The following CMSS1 variants were observed in gnomAD, a reference collection of about 807,000 sequenced individuals.
CMSS1 encodes cms1 ribosomal small subunit homolog.
A neutral mutation model predicts 43.5 loss-of-function variants in CMSS1; 33 were observed. The ratio of observed to expected loss-of-function variants is 0.76; its 90% CI spans 0.57 to 1.01. The LOEUF (loss-of-function observed/expected upper bound fraction) is 1.01. CMSS1 is among the 50% of genes least tolerant of loss of function. CMSS1 has a pLI of 0.00. For synonymous variants in CMSS1, 115 were observed against 117.2 expected, an observed-to-expected ratio of 0.98 and a Z score of 0.12; for missense variants, 313 against 326.4, an observed-to-expected ratio of 0.96 and a Z score of 0.32.
At chr3:99,818,209 C>G (rs955958008) in intron 1 of CMSS1, among the ~76,000 whole-genome samples, 166 bp downstream of exon 1, 1 of 152,256 alleles carries the variant, frequency 6.6e-6, no homozygotes, top group Non-Finnish European at 1.5e-5. Context: ...TTCTTTAACA[C>G]GTGAAACAGA....
chr3:99,920,748 G>A (rs1707100012), intron 1 of CMSS1, among the ~76,000 whole-genome samples: 1 of 152,170 alleles, frequency 6.6e-6, no homozygotes, highest in South Asian at 2.1e-4. Context: ...AGCTCAATGT[G>A]TGACATCAGT....
intron 1 of CMSS1, chr3:100,040,410 A>G (rs1475583072): frequency 6.6e-6 from 1 of 152,204 alleles, no homozygotes; most frequent in African/African-American, 2.4e-5. Context: ...ATAGCATTCC[A>G]TTTTAATATA....
intron 1 of CMSS1, among the ~76,000 whole-genome samples, chr3:100,015,235 A>G (rs542931841): frequency 6.6e-6 from 1 of 151,878 alleles, no homozygotes; most frequent in Admixed American, 6.6e-5. Flanking sequence ...GCTCTCTGTT[A>G]TGTTCCCTTG....
At chr3:99,930,752 ACTCCAACCCAGCTGACCTGCAGTT>A (rs764957237) in intron 1 of CMSS1, 5 of 1,611,164 alleles carry the variant, frequency 3.1e-6, no homozygotes, top group Non-Finnish European at 4.2e-6. Flanking sequence ...GATGGGGATA[ACTCCAACCCAGCTGACCTGCAGTT>A]CTCCCTCCAG....
At chr3:100,006,144 C>T (rs1443071207) in intron 1 of CMSS1, among the ~76,000 whole-genome samples, 1 of 152,108 alleles carries the variant, frequency 6.6e-6, no homozygotes, top group African/African-American at 2.4e-5. Flanking sequence ...CTGTGGGATG[C>T]AGGTAGGTAT....
chr3:100,056,007 A>T (rs2065458228), intron 1 of CMSS1, among the ~76,000 whole-genome samples: 1 of 152,218 alleles, frequency 6.6e-6, no homozygotes, highest in African/African-American at 2.4e-5. Context: ...AGGATAGCCT[A>T]GTTGATCTGG....
intron 1 of CMSS1, among the ~76,000 whole-genome samples, chr3:100,004,327 G>C (rs966064273): frequency 7.9e-5 from 12 of 152,154 alleles, no homozygotes; most frequent in African/African-American, 2.2e-4. Flanking sequence ...TATAATGGTA[G>C]CTGAACATAT....
At chr3:100,014,881 T>C (rs1710279992) in intron 1 of CMSS1, among the ~76,000 whole-genome samples, 3 of 135,192 alleles carry the variant, frequency 2.2e-5, no homozygotes, top group Non-Finnish European at 4.8e-5. Flanking sequence ...TTTCTTTTTT[T>C]TTTTTCTTTC....
At chr3:100,014,891 C>CTTTCTTTTTTTTTTTTTTTTTTTTTT (rs1710285568) in intron 1 of CMSS1, among the ~76,000 whole-genome samples, 3 of 27,228 alleles carry the variant, frequency 1.1e-4, no homozygotes, top group African/African-American at 3.0e-4. Context: ...TTTTTTCTTT[C>CTTTCTTTTTTTTTTTTTTTTTTTTTT]TTTCTTTTTT....
At chr3:99,837,728 G>T (rs1350466528) in intron 1 of CMSS1, among the ~76,000 whole-genome samples, 1 of 152,186 alleles carries the variant, frequency 6.6e-6, no homozygotes, top group African/African-American at 2.4e-5. Context: ...AAATGATTTT[G>T]GGAGTGCCAG....
intron 1 of CMSS1, among the ~76,000 whole-genome samples, chr3:99,967,196 T>C (rs1409907643): frequency 6.6e-6 from 1 of 152,246 alleles, no homozygotes; most frequent in African/African-American, 2.4e-5. Flanking sequence ...TCTTGGCTCT[T>C]AGCCCCACCT....
chr3:99,819,095 T>C (rs1942381512), intron 1 of CMSS1, among the ~76,000 whole-genome samples: 1 of 152,252 alleles, frequency 6.6e-6, no homozygotes, highest in Admixed American at 6.5e-5. Flanking sequence ...TTGTGAAATA[T>C]CCATTAAAAA....
chr3:100,001,190 T>A (rs1432661126), intron 1 of CMSS1, among the ~76,000 whole-genome samples: 1 of 152,228 alleles, frequency 6.6e-6, no homozygotes, highest in Non-Finnish European at 1.5e-5. Flanking sequence ...ACCCTCTCAC[T>A]TTGTCTCAGT....
intron 1 of CMSS1, chr3:99,830,143 A>T (rs951343331): frequency 8.8e-6 from 2 of 228,204 alleles, no homozygotes; most frequent in Admixed American, 1.0e-4. Flanking sequence ...CTGATTCTAG[A>T]TAGTTCATCT....
intron 1 of CMSS1, among the ~76,000 whole-genome samples, chr3:99,872,889 C>T (rs1319844014): frequency 1.3e-5 from 2 of 151,222 alleles, no homozygotes; most frequent in East Asian, 3.9e-4. Context: ...GATGTTAGTG[C>T]AGATGAAGGT....
intron 1 of CMSS1, among the ~76,000 whole-genome samples, chr3:100,036,912 T>C (rs907386552): frequency 7.2e-5 from 11 of 152,230 alleles, no homozygotes; most frequent in Admixed American, 6.5e-4. Context: ...CAAATATGCA[T>C]AATTAATTTA....
intron 1 of CMSS1, among the ~76,000 whole-genome samples, chr3:99,987,607 C>G (rs2107118644): frequency 6.6e-6 from 1 of 151,812 alleles, no homozygotes; most frequent in South Asian, 2.1e-4. Flanking sequence ...TTTGAACCCT[C>G]TGGCCTTAAT....
At chr3:99,884,185 A>T (rs1378691959) in intron 1 of CMSS1, among the ~76,000 whole-genome samples, 1 of 152,132 alleles carries the variant, frequency 6.6e-6, no homozygotes, top group Non-Finnish European at 1.5e-5. Context: ...GCCAGAATGG[A>T]GTGCTTTTTT....
intron 1 of CMSS1, among the ~76,000 whole-genome samples, chr3:99,899,932 G>A (rs1706381879): frequency 6.6e-6 from 1 of 152,192 alleles, no homozygotes. Flanking sequence ...GCTGTTACTA[G>A]TACATTCCTA....
Sources: allele counts gnomAD v4.1 joint callset (sites outside exome capture counted in the v4.1 genomes callset), GRCh38; gene constraint gnomAD v4.1.1; transcripts MANE v1.5; gene names NCBI Gene and HGNC (gene_info 2026-07-23, HGNC 2026-07-21).